EPB41L2: variants seen among roughly 807,000 people sequenced by gnomAD.
EPB41L2 encodes band 4.1-like protein 2.
In EPB41L2, 43 loss-of-function variants were observed where a neutral mutation model predicts 113.0. The observed-to-expected ratio is 0.38, with a 90% CI of 0.30 to 0.49. The LOEUF (loss-of-function observed/expected upper bound fraction) is 0.49. EPB41L2 is among the 20% of genes least tolerant of loss of function. EPB41L2 has a pLI of 0.95. For synonymous variants in EPB41L2, 442 were observed against 436.7 expected, an observed-to-expected ratio of 1.01 and a Z score of -0.15; for missense variants, 1,147 against 1,223.4, an observed-to-expected ratio of 0.94 and a Z score of 0.93.
intron 1 of EPB41L2, among the ~76,000 whole-genome samples, chr6:130,984,030 A>G (rs1196763845): frequency 2.0e-5 from 3 of 152,198 alleles, no homozygotes; most frequent in South Asian, 2.1e-4. Flanking sequence ...TCCCTATTCT[A>G]TAAGCCTTTT....
At chr6:130,967,691 A>C (rs1247922961) in intron 1 of EPB41L2, among the ~76,000 whole-genome samples, 1 of 152,234 alleles carries the variant, frequency 6.6e-6, no homozygotes, top group Non-Finnish European at 1.5e-5. Flanking sequence ...GCCTGAAAGC[A>C]CAAGCTTGTC....
chr6:130,917,696 AAC>A (rs1290024167), intron 4 of EPB41L2, among the ~76,000 whole-genome samples: 1 of 152,196 alleles, frequency 6.6e-6, no homozygotes, highest in Non-Finnish European at 1.5e-5. Flanking sequence ...TACCTATTAC[AAC>A]AGTCCTGAAT....
intron 3 of EPB41L2, among the ~76,000 whole-genome samples, chr6:130,928,748 G>A (rs777461387): frequency 4.6e-5 from 7 of 152,194 alleles, no homozygotes; most frequent in Non-Finnish European, 1.0e-4. Context: ...TCCTCTATCG[G>A]ACCTAGTTCC....
Position 130,956,243 on chromosome 6 carries a change from C to T in EPB41L2, c.243G>A (p.Trp81Ter). 6.2e-7 allele frequency: 1 copy of T among 1,614,142 alleles called. No individual in the cohort carries two copies. The highest frequency in any genetic ancestry group is 8.5e-7 in the Non-Finnish European group (1 of 1,180,032). The change falls in exon 2 of 20, where the codon TGG (tryptophan) becomes TGA (stop). Residue 81 changes from tryptophan (W) to a stop codon, truncating the protein, a stop_gained. Coordinates refer to ENST00000337057, the MANE Select transcript of EPB41L2 (RefSeq NM_001431.4). LOFTEE classifies it high-confidence loss of function. ...AGGTATATGACTTTTGCTTCTTAAG[C>T]CATGGCGGTATGAACCGAGAAATAC... ...SRGISRFIPP[W>*]LKKQKSYTLV...
At chr6:130,867,698 G>T in intron 15 of EPB41L2, 117 bp from the exon 16 acceptor site, 1 of 1,346,242 alleles carries the variant, frequency 7.4e-7, no homozygotes, top group Non-Finnish European at 1.0e-6. Flanking sequence ...ATGCACAAAA[G>T]AAAAGAGTAA....
chr6:131,015,364 G>T (rs1449670124), intron 1 of EPB41L2: 1 of 152,178 alleles, frequency 6.6e-6, no homozygotes, highest in East Asian at 1.9e-4. Context: ...AGTAAAAACA[G>T]AGATTTCTTG....
chr6:130,914,066 T>A (rs1376694241), intron 4 of EPB41L2, among the ~76,000 whole-genome samples: 1 of 152,228 alleles, frequency 6.6e-6, no homozygotes, highest in Non-Finnish European at 1.5e-5. Flanking sequence ...AGTAAAATTC[T>A]GGTTTTCTAT....
At chr6:130,920,999 C>A (rs1303423202) in intron 4 of EPB41L2, among the ~76,000 whole-genome samples, 1 of 152,156 alleles carries the variant, frequency 6.6e-6, no homozygotes, top group Non-Finnish European at 1.5e-5. Context: ...AGCTCCCCAG[C>A]TACCCAACCC....
Position 130,869,598 on chromosome 6 carries a change from T to C in EPB41L2, c.2572A>G (p.Ile858Val). 6.2e-7 allele frequency: 1 copy of C among 1,614,166 alleles called. No homozygotes were observed. The highest frequency in any genetic ancestry group is 1.1e-5 in the South Asian group (1 of 91,070). ...KVNGEVSHVD[I>V]DVLPQIICCS... is the part of the protein sequence containing the mutation. ...CAAATAATTTGTGGCAAAACATCAA[T>C]GTCAACATGGGACACCTCTCCGTTA... is the stretch of plus-strand genomic sequence containing the variant. Residue 858 changes from isoleucine to valine, a missense_variant, in exon 15 of 20, where the codon ATT becomes GTT. Ile to Val is a conservative substitution (Grantham distance 29, BLOSUM62 3). Coordinates refer to ENST00000337057, the MANE Select transcript of EPB41L2 (RefSeq NM_001431.4).
At chr6:130,854,945 G>A (rs1435146628) in intron 19 of EPB41L2, among the ~76,000 whole-genome samples, 1 of 152,194 alleles carries the variant, frequency 6.6e-6, no homozygotes. Flanking sequence ...GGATGAAGGA[G>A]AAGAATTGCT....
intron 14 of EPB41L2, among the ~76,000 whole-genome samples, chr6:130,875,171 C>T (rs373370500): frequency 3.9e-5 from 6 of 152,304 alleles, no homozygotes; most frequent in South Asian, 4.1e-4. Context: ...AACCCTGCTA[C>T]GTGTTCTGAT....
intron 19 of EPB41L2, among the ~76,000 whole-genome samples, chr6:130,855,286 G>C (rs1779875148): frequency 6.6e-6 from 1 of 152,064 alleles, no homozygotes; most frequent in Admixed American, 6.6e-5. Context: ...GGGAGGCGGA[G>C]GTTGAAGTGA....
At chr6:131,023,734 T>C (rs1217446082) in intron 1 of EPB41L2, among the ~76,000 whole-genome samples, 9 of 88,866 alleles carry the variant, frequency 1.0e-4, no homozygotes, top group Non-Finnish European at 1.9e-4. Flanking sequence ...TGTGTGTATA[T>C]ATATCTATAT....
At chr6:130,995,063 G>A (rs1205943730) in intron 1 of EPB41L2, among the ~76,000 whole-genome samples, 5 of 152,162 alleles carry the variant, frequency 3.3e-5, no homozygotes, top group South Asian at 2.1e-4. Flanking sequence ...CCGGCCAGGC[G>A]TGGTGGCTCA....
chr6:130,974,627 G>A (rs1777708353), intron 1 of EPB41L2, among the ~76,000 whole-genome samples: 1 of 151,352 alleles, frequency 6.6e-6, no homozygotes, highest in African/African-American at 2.4e-5. Context: ...ACCCACTTAT[G>A]AGTGGTAGAG....
intron 1 of EPB41L2, among the ~76,000 whole-genome samples, chr6:130,976,250 T>C (rs1233002947): frequency 6.6e-6 from 1 of 152,172 alleles, no homozygotes; most frequent in Non-Finnish European, 1.5e-5. Context: ...TACTGACATA[T>C]CTGATGTAGG....
At chr6:130,942,803 C>T (rs1811328460) in intron 3 of EPB41L2, among the ~76,000 whole-genome samples, 1 of 152,080 alleles carries the variant, frequency 6.6e-6, no homozygotes, top group African/African-American at 2.4e-5. Context: ...TCTCTGTGTC[C>T]ATGTGTTCTC....
At chr6:130,968,114 C>A (rs969311060) in intron 1 of EPB41L2, among the ~76,000 whole-genome samples, 2 of 152,196 alleles carry the variant, frequency 1.3e-5, no homozygotes, top group African/African-American at 4.8e-5. Context: ...TAATCAACAA[C>A]CAGTCTAATA....
At chr6:130,911,299 C>G (rs1799312777) in intron 4 of EPB41L2, among the ~76,000 whole-genome samples, 2 of 152,250 alleles carry the variant, frequency 1.3e-5, no homozygotes, top group African/African-American at 4.8e-5. Context: ...TATTCGCACT[C>G]ATAAGTGGGA....
Sources: gnomAD v4.1 joint callset for allele counts (sites outside exome capture counted in the v4.1 genomes callset) on GRCh38, gnomAD v4.1.1 for gene constraint, MANE v1.5 for transcripts, NCBI Gene and HGNC (gene_info 2026-07-23, HGNC 2026-07-21) for gene names.